GDE1: variants seen among roughly 807,000 people sequenced by gnomAD.
The protein encoded by GDE1 is RGS16-interacting membrane protein.
GDE1 carries 24 observed loss-of-function variants against 32.2 expected under a neutral mutation model. That is an observed-to-expected ratio of 0.75 (90% confidence interval 0.54 to 1.05). The LOEUF (loss-of-function observed/expected upper bound fraction) is 1.05, where lower values mean the gene tolerates loss of function less well. Among genes scored for constraint, GDE1 ranks in the 50% least tolerant of loss-of-function variants. The pLI is 0.00. For synonymous variants in GDE1, 159 were observed against 158.6 expected, an observed-to-expected ratio of 1.00 and a Z score of -0.02; for missense variants, 380 against 415.0, an observed-to-expected ratio of 0.92 and a Z score of 0.73.
At chr16:19,520,866 A>G (rs1381776696) in intron 1 of GDE1, among the ~76,000 whole-genome samples, 1 of 152,188 alleles carries the variant, frequency 6.6e-6, no homozygotes, top group Non-Finnish European at 1.5e-5. Context: ...TTATGAAGCT[A>G]GGAGAATGCC....
chr16:19,508,031 C>T lies in GDE1; in HGVS notation c.544-252G>A, dbSNP rs139912677. Among the ~76,000 whole-genome samples, 332 of 152,270 alleles carry T rather than the reference C, an allele frequency of 2.2e-3. 1 individual carries two copies. Among genetic ancestry groups the T allele is most frequent in the African/African-American group, 7.3e-3 (303 of 41,564 alleles). The stretch of plus-strand genomic sequence containing the variant: ...TGAGGGCCTCACCCCTTTTGGAATA[C>T]TTTTGAAAAGTGTGGTAAGCCGTAG... On this transcript the variant is annotated intron_variant, in intron 3 of 5. Transcript: ENST00000353258.
chr16:19,517,186 C>G lies in GDE1; in HGVS notation c.265G>C (p.Ala89Pro). Residue 89 changes from alanine to proline, a missense_variant, in exon 2 of 6, where the codon GCT becomes CCT. Ala to Pro is a conservative substitution (Grantham distance 27). Coordinates refer to ENST00000353258, the MANE Select transcript of GDE1 (RefSeq NM_016641.4). ...TCCACGCCTGTTGCTCCATTCTTAG[C>G]TGCCTTAACAAAAACATCAAGAATA... ...ENTLAAIRQA[A>P]KNGATGVELD... 6.2e-7 allele frequency: 1 copy of G among 1,612,170 alleles called. No individual in the cohort carries two copies. Among genetic ancestry groups the G allele is most frequent in the Non-Finnish European group, 8.5e-7 (1 of 1,178,496 alleles).
chr16:19,505,438 T>C (rs1340629622), intron 4 of GDE1, among the ~76,000 whole-genome samples: 1 of 152,152 alleles, frequency 6.6e-6, no homozygotes, highest in East Asian at 1.9e-4. Flanking sequence ...GATAATTAAT[T>C]AGAACTCAAT....
chr16:19,520,759 AAG>A (rs1401138313), intron 1 of GDE1, among the ~76,000 whole-genome samples: 1 of 151,690 alleles, frequency 6.6e-6, no homozygotes, highest in Non-Finnish European at 1.5e-5. Context: ...AGGAAGGAAG[AAG>A]AGAGAGAAAA....
At chr16:19,505,184 G>A in intron 4 of GDE1, 92 bp from the exon 5 acceptor site, 1 of 865,710 alleles carries the variant, frequency 1.2e-6, no homozygotes, top group Non-Finnish European at 1.9e-6. Context: ...AATCAGATGA[G>A]GTGGTCATGG....
At chr16:19,517,254 C>G in intron 1 of GDE1, 65 bp from the exon 2 acceptor site, 1 of 1,280,942 alleles carries the variant, frequency 7.8e-7, no homozygotes, top group Non-Finnish European at 1.1e-6. Flanking sequence ...ATCTAACCAC[C>G]CAAAAGACCA....
At position 19,502,318 on chromosome 16, in the gene GDE1, C is replaced by T. The variant is rs1327745049; in HGVS notation, c.*1152G>A. The T allele has an allele frequency of 6.7e-6, 1 of 149,160 alleles. No individual in the cohort carries two copies. Among genetic ancestry groups the T allele is most frequent in the East Asian group, 2.0e-4 (1 of 5,010 alleles). The allele number at this position is 149,160 out of a possible 1,614,324, so 9.2% of individuals were successfully genotyped here. On this transcript the variant is annotated 3_prime_UTR_variant, in exon 6 of 6. Transcript: ENST00000353258. Reference sequence around the variant, plus strand: ...ATTGAGTAAGATAATGCATGTTAAACCACTTGTATAGTTTCTGGCTAACTG... The same window carrying T: ...ATTGAGTAAGATAATGCATGTTAAATCACTTGTATAGTTTCTGGCTAACTG...
chr16:19,519,288 A>G (rs928648381), intron 1 of GDE1, among the ~76,000 whole-genome samples: 1 of 152,030 alleles, frequency 6.6e-6, no homozygotes, highest in Non-Finnish European at 1.5e-5. Context: ...ACAGGGAAAG[A>G]TTCCAGTCCT....
At chr16:19,507,335 T>A (rs1969261278) in intron 4 of GDE1, among the ~76,000 whole-genome samples, 1 of 152,102 alleles carries the variant, frequency 6.6e-6, no homozygotes, top group African/African-American at 2.4e-5. Flanking sequence ...ATTTTATGCA[T>A]GTTTTAGATT....
chr16:19,511,795 A>G (rs1387351269), intron 2 of GDE1, among the ~76,000 whole-genome samples: 1 of 152,042 alleles, frequency 6.6e-6, no homozygotes, highest in Non-Finnish European at 1.5e-5. Flanking sequence ...GCTCCCATAT[A>G]TGAGTGACAA....
chr16:19,503,495 A>G lies in GDE1; in HGVS notation c.971T>C (p.Val324Ala). ...CTAGAAGTGAGGTTCGCAGTCTTCT[A>G]CCATGCTGTCAGTGATATAGCTGGA... ...LGSSYITDSM[V>A]EDCEPHF Residue 324 changes from valine to alanine, a missense_variant, in exon 6 of 6, where the codon GTA becomes GCA. By Grantham distance (64) the Val-to-Ala change is moderately conservative (BLOSUM62 0). Transcript: ENST00000353258. 1 of 1,613,998 alleles carries G rather than the reference A, an allele frequency of 6.2e-7. No individual in the cohort carries two copies. The highest frequency in any genetic ancestry group is 8.5e-7 in the Non-Finnish European group (1 of 1,179,908).
chr16:19,516,730 G>T (rs1969385043), intron 2 of GDE1, among the ~76,000 whole-genome samples: 1 of 152,158 alleles, frequency 6.6e-6, no homozygotes, highest in Non-Finnish European at 1.5e-5. Flanking sequence ...ACACCTGAAG[G>T]CAAGAAGATT....
chr16:19,506,675 G>A (rs1380568215), intron 4 of GDE1, among the ~76,000 whole-genome samples: 2 of 152,212 alleles, frequency 1.3e-5, no homozygotes, highest in South Asian at 2.1e-4. Context: ...ATTGTAACAC[G>A]CCGATCTTAC....
At chr16:19,515,824 A>G (rs551714724) in intron 2 of GDE1, among the ~76,000 whole-genome samples, 2 of 152,266 alleles carry the variant, frequency 1.3e-5, no homozygotes, top group African/African-American at 4.8e-5. Flanking sequence ...AGAATCGATC[A>G]TTGTCTGGAT....
chr16:19,507,823 TGATA>T (rs1969268464), intron 3 of GDE1, 44 bp from the exon 4 acceptor site: 8 of 907,778 alleles, frequency 8.8e-6, no homozygotes, highest in South Asian at 7.1e-5. Flanking sequence ...GATTAAAATG[TGATA>T]GATAGCCCCA....
chr16:19,520,805 G>C (rs1245767868), intron 1 of GDE1, among the ~76,000 whole-genome samples: 2 of 151,880 alleles, frequency 1.3e-5, no homozygotes, highest in Non-Finnish European at 1.5e-5. Context: ...TATTTACACA[G>C]ATGCAAAAGT....
At chr16:19,518,978 C>T (rs1042850406) in intron 1 of GDE1, among the ~76,000 whole-genome samples, 1 of 152,090 alleles carries the variant, frequency 6.6e-6, no homozygotes, top group African/African-American at 2.4e-5. Flanking sequence ...AAGTAGTGGA[C>T]ACCAGCTGGG....
rs1000520740 is a variant in GDE1, at chr16:19,522,057, G to T, written c.-93C>A. The T allele has an allele frequency of 1.7e-5, 23 of 1,318,930 alleles. No individual in the cohort carries two copies. The South Asian group carries it at 3.2e-4, about 18-fold the overall frequency. 81.7% of individuals were successfully genotyped at this position (1,318,930 alleles called of 1,614,324 possible). ...AGCGAGGGGGAGGGTCCAAGGCACC[G>T]GCAGCAGCAGGAACCCTCTGAGGGG... is the stretch of plus-strand genomic sequence containing the variant. On this transcript the variant is annotated 5_prime_UTR_variant, in exon 1 of 6. Coordinates refer to ENST00000353258, the MANE Select transcript of GDE1 (RefSeq NM_016641.4).
intron 4 of GDE1, among the ~76,000 whole-genome samples, chr16:19,506,912 T>C (rs889304745): frequency 7.9e-5 from 12 of 152,048 alleles, no homozygotes; most frequent in Non-Finnish European, 1.5e-4. Flanking sequence ...GGTGGAAGGA[T>C]TGCTTGAGCT....
Sources: allele counts gnomAD v4.1 joint callset (sites outside exome capture counted in the v4.1 genomes callset), GRCh38; gene constraint gnomAD v4.1.1; transcripts MANE v1.5; gene names NCBI Gene and HGNC (gene_info 2026-07-23, HGNC 2026-07-21).